SLC7A10: variants seen among roughly 807,000 people sequenced by gnomAD.
SLC7A10 encodes the protein solute carrier family 7 member 10.
SLC7A10 carries 30 observed loss-of-function variants against 52.7 expected under a neutral mutation model. That is an observed-to-expected ratio of 0.57 (90% CI 0.43 to 0.77). The LOEUF is 0.77. Ranked by LOEUF, SLC7A10 falls within the 30% of genes least tolerant of loss-of-function variation. The probability of loss-of-function intolerance (pLI) is 0.00; values close to 1 mark genes in which losing one functional copy is unlikely to be tolerated. For synonymous variants in SLC7A10, 318 were observed against 314.9 expected (o/e 1.01, Z -0.10); for missense variants, 581 against 698.5 (o/e 0.83, Z 1.90).
chr19:33,214,059 G>C lies in SLC7A10; in HGVS notation c.357-1057C>G, dbSNP rs528965163. Among the ~76,000 whole-genome samples, 5 of 152,270 alleles carry C rather than the reference G, an allele frequency of 3.3e-5. No homozygotes were observed. The South Asian group carries it at 1.0e-3, about 32-fold the overall frequency. On this transcript the variant is annotated intron_variant, in intron 2 of 10. Coordinates refer to ENST00000253188, the MANE Select transcript of SLC7A10 (RefSeq NM_019849.3). ...CTCCATGGCCCTCCTCCCCTGCCAGGCATCCCCTCTGCCCATCCCCGCATG... is the reference window on the plus strand; with the variant it reads ...CTCCATGGCCCTCCTCCCCTGCCAGCCATCCCCTCTGCCCATCCCCGCATG...
chr19:33,213,044 C>T (rs1426946666), intron 2 of SLC7A10, 42 bp from the exon 3 acceptor site: 2 of 1,557,724 alleles, frequency 1.3e-6, no homozygotes, highest in East Asian at 2.4e-5. Flanking sequence ...CTGCCCAGAG[C>T]CCTTCCCGGC....
At chr19:33,223,978 A>G (rs1974870553) in intron 1 of SLC7A10, among the ~76,000 whole-genome samples, 1 of 144,640 alleles carries the variant, frequency 6.9e-6, no homozygotes, top group African/African-American at 2.5e-5. Flanking sequence ...CACCACCACC[A>G]CCACCACCAC....
At chr19:33,209,768 A>C (rs1432714313) in intron 9 of SLC7A10, among the ~76,000 whole-genome samples, 1 of 152,110 alleles carries the variant, frequency 6.6e-6, no homozygotes, top group Non-Finnish European at 1.5e-5. Flanking sequence ...GCTGGAGGTC[A>C]GTGATTTTTT....
chr19:33,211,402 G>A lies in SLC7A10; in HGVS notation c.912+12C>T, dbSNP rs1272719899. 8 of 1,613,720 alleles carry A rather than the reference G, an allele frequency of 5.0e-6. No individual in the cohort carries two copies. Among genetic ancestry groups the A allele is most frequent in the Non-Finnish European group, 5.9e-6 (7 of 1,179,914 alleles). On this transcript the variant is annotated intron_variant, in intron 6 of 10. Coordinates refer to ENST00000253188, the MANE Select transcript of SLC7A10 (RefSeq NM_019849.3). ...TGGGCAGGAGCCAGGGACCGAGCAGGGGCCCACTCACCACAGCCACCGCAT... is the reference window on the plus strand; with the variant it reads ...TGGGCAGGAGCCAGGGACCGAGCAGAGGCCCACTCACCACAGCCACCGCAT...
rs1416258423 is a variant in SLC7A10 at position 33,215,935 on chromosome 19, C to G, written c.190G>C (p.Gly64Arg). ...IGSGIFISPK[G>R]VLEHSGSVGL... Reference sequence around the variant, plus strand: ...ACGGAGCCTGAGTGCTCCAGGACCCCCTTGGGCGAGATGAAGATGCCCGAG... The same window carrying G: ...ACGGAGCCTGAGTGCTCCAGGACCCGCTTGGGCGAGATGAAGATGCCCGAG... Residue 64 changes from glycine to arginine, a missense_variant, in exon 2 of 11, where the codon GGG becomes CGG. Coordinates refer to ENST00000253188, the MANE Select transcript of SLC7A10 (RefSeq NM_019849.3). 1 of 1,595,410 alleles carries G rather than the reference C, an allele frequency of 6.3e-7. No individual in the cohort carries two copies. The highest frequency in any genetic ancestry group is 8.6e-7 in the Non-Finnish European group (1 of 1,166,446).
At chr19:33,213,078 C>CA (rs1341214786) in intron 2 of SLC7A10, 76 bp from the exon 3 acceptor site, 1 of 1,543,930 alleles carries the variant, frequency 6.5e-7, no homozygotes. Flanking sequence ...ATGTGTGCAG[C>CA]AGGGCTGCCC....
At position 33,215,899 on chromosome 19, in the gene SLC7A10, G is replaced by C. The variant is rs1255170553; in HGVS notation, c.226C>G (p.Leu76Val). The change falls in exon 2 of 11, where the codon CTG (leucine) becomes GTG (valine). Residue 76 changes from leucine (L) to valine (V), a missense_variant. Coordinates refer to ENST00000253188, the MANE Select transcript of SLC7A10 (RefSeq NM_019849.3). ...LEHSGSVGLA[L>V]FVWVLGGGVT... Reference sequence around the variant, plus strand: ...CCCCCACCCAGGACCCAGACGAACAGGGCCAGACCCACGGAGCCTGAGTGC... The same window carrying C: ...CCCCCACCCAGGACCCAGACGAACACGGCCAGACCCACGGAGCCTGAGTGC... 6 of 1,611,246 alleles carry C rather than the reference G, an allele frequency of 3.7e-6. No individual in the cohort carries two copies. Among genetic ancestry groups the C allele is most frequent in the South Asian group, 2.2e-5 (2 of 90,336 alleles).
intron 1 of SLC7A10, among the ~76,000 whole-genome samples, chr19:33,222,551 C>G (rs932008116): frequency 6.6e-6 from 1 of 151,972 alleles, no homozygotes; most frequent in African/African-American, 2.4e-5. Flanking sequence ...CTGAGCCTAC[C>G]CCTTGGAGCA....
At position 33,212,393 on chromosome 19, in the gene SLC7A10, G is replaced by A; in HGVS notation, c.687C>T (p.Pro229=). Residue 229 remains proline (P), a synonymous_variant, in exon 5 of 11, where the codon CCC becomes CCT. Transcript: ENST00000253188. ...PSNAFAFWMT[P]SVGHLALAFL... ...AGGCCAGGGCCAGGTGTCCCACGGA[G>A]GGCGTCATCCAGAAAGCAAAGGCAT... 1.2e-6 allele frequency: 2 copies of A among 1,613,896 alleles called. No individual in the cohort carries two copies. The highest frequency in any genetic ancestry group is 1.1e-5 in the South Asian group (1 of 91,092).
At position 33,210,302 on chromosome 19, in the gene SLC7A10, G is replaced by A. The variant is rs1974514148; in HGVS notation, c.1263+165C>T. 6.6e-6 allele frequency among the ~76,000 whole-genome samples: 1 copy of A among 152,092 alleles called. No homozygotes were observed. ...AGCATTCAAAGCTCTGTCCTCATGG[G>A]GCTGCTATGAGGAATGGCTGCCTCA... On this transcript the variant is annotated intron_variant, in intron 9 of 10. Coordinates refer to ENST00000253188, the MANE Select transcript of SLC7A10 (RefSeq NM_019849.3). The surrounding 1 kb of genome is among the most constrained non-coding windows in gnomAD (Gnocchi z 5.6).
At chr19:33,223,250 A>G (rs1178514232) in intron 1 of SLC7A10, among the ~76,000 whole-genome samples, 4 of 148,692 alleles carry the variant, frequency 2.7e-5, no homozygotes, top group African/African-American at 1.0e-4. Context: ...GGAGGTTGCA[A>G]TGAGCTGAGA....
chr19:33,225,780 T>C lies in SLC7A10; in HGVS notation c.-77A>G. ...GGCCGCCCGTCGGTCCGTCGGTCCG[T>C]GAGCTCACGGCCCTCGCAGCCGGGA... is the stretch of plus-strand genomic sequence containing the variant. On this transcript the variant is annotated 5_prime_UTR_variant, in exon 1 of 11. Coordinates refer to ENST00000253188, the MANE Select transcript of SLC7A10 (RefSeq NM_019849.3). The C allele has an allele frequency of 7.1e-7, 1 of 1,401,388 alleles. No individual in the cohort carries two copies. Among genetic ancestry groups the C allele is most frequent in the South Asian group, 1.4e-5 (1 of 69,508 alleles). The allele number at this position is 1,401,388 out of a possible 1,614,324, so 86.8% of individuals were successfully genotyped here. A position where few individuals can be genotyped will look rare whatever the true frequency, so the allele number is the denominator to read the frequency against.
intron 1 of SLC7A10, among the ~76,000 whole-genome samples, chr19:33,219,524 GC>G (rs1974769351): frequency 6.6e-6 from 1 of 152,222 alleles, no homozygotes; most frequent in Admixed American, 6.5e-5. Flanking sequence ...CAGTCCTCAT[GC>G]CTTGAAGCAC....
At chr19:33,225,415 T>C (rs1974900456) in intron 1 of SLC7A10, 138 bp downstream of exon 1, 6 of 1,097,866 alleles carry the variant, frequency 5.5e-6, no homozygotes, top group Non-Finnish European at 7.9e-6. Flanking sequence ...CCCGCGGTCA[T>C]AGCGCTCTCT....
chr19:33,218,287 A>G (rs1270073092), intron 1 of SLC7A10, among the ~76,000 whole-genome samples: 1 of 152,130 alleles, frequency 6.6e-6, no homozygotes, highest in East Asian at 1.9e-4. Context: ...GAAGACTCAG[A>G]TACTGGGCTT....
intron 2 of SLC7A10, 102 bp downstream of exon 2, chr19:33,215,667 C>A: frequency 8.4e-7 from 1 of 1,189,826 alleles, no homozygotes; most frequent in Non-Finnish European, 1.1e-6. Flanking sequence ...CCCACGACCT[C>A]CCTAGGAAGC....
Position 33,210,350 on chromosome 19 carries a change from G to A in SLC7A10, c.1263+117C>T, listed in dbSNP as rs966592967. The A allele has an allele frequency of 4.6e-6, 6 of 1,302,782 alleles. No homozygotes were observed. Among genetic ancestry groups the A allele is most frequent in the Middle Eastern group, 4.8e-4 (2 of 4,182 alleles). 80.7% of individuals were successfully genotyped at this position (1,302,782 alleles called of 1,614,324 possible). ...TCAGTGCACAGAGAGCCCTGAGCAG[G>A]GCCCAACACTCCACAAAAGCTGGCA... On this transcript the variant is annotated intron_variant, in intron 9 of 10. Coordinates refer to ENST00000253188, the MANE Select transcript of SLC7A10 (RefSeq NM_019849.3). This position sits in a 1 kb window ranked among gnomAD's most constrained non-coding sequence, Gnocchi z 5.6.
intron 1 of SLC7A10, among the ~76,000 whole-genome samples, chr19:33,222,475 A>G (rs1271074059): frequency 7.0e-6 from 1 of 142,022 alleles, no homozygotes; most frequent in Non-Finnish European, 1.5e-5. Context: ...AAATAAAATA[A>G]AATAAAATAA....
chr19:33,215,775 A>T lies in SLC7A10; in HGVS notation c.350T>A (p.Leu117Gln). 1 of 1,555,658 alleles carries T rather than the reference A, an allele frequency of 6.4e-7. No homozygotes were observed. Among genetic ancestry groups the T allele is most frequent in the Non-Finnish European group, 8.7e-7 (1 of 1,149,434 alleles). ...YAYVTEIFGG[L>Q]AGFLLLWSAV... The stretch of plus-strand genomic sequence containing the variant: ...GCTGGTGCCCCACACTCACCCAGCC[A>T]GGCCCCCGAAGATCTCTGTGACGTA... Residue 117 changes from leucine to glutamine, a missense_variant, in exon 2 of 11, where the codon CTG becomes CAG. Physicochemically the swap from Leu to Gln is moderately radical, Grantham distance 113. Transcript: ENST00000253188.
Sources: allele counts gnomAD v4.1 joint callset (sites outside exome capture counted in the v4.1 genomes callset), GRCh38; gene constraint gnomAD v4.1.1; non-coding constraint Gnocchi (gnomAD v3.1); transcripts MANE v1.5; gene names NCBI Gene and HGNC (gene_info 2026-07-23, HGNC 2026-07-21).